The following NRP1 variants were observed in gnomAD, a reference collection of about 807,000 sequenced individuals.
The protein encoded by NRP1 is neuropilin 1.
NRP1 carries 35 observed loss-of-function variants against 106.7 expected under a neutral mutation model. The observed-to-expected ratio is 0.33, with a 90% confidence interval of 0.25 to 0.43. NRP1 has a LOEUF of 0.43. Ranked by LOEUF, NRP1 falls within the 20% of genes least tolerant of loss-of-function variation. The probability of loss-of-function intolerance (pLI) is 1.00; values close to 1 mark genes in which losing one functional copy is unlikely to be tolerated. For missense variants in NRP1, 1,024 were observed against 1,170.4 expected (o/e 0.87, Z 1.83); for synonymous variants, 437 against 417.9 (o/e 1.05, Z -0.56).
At position 33,180,151 on chromosome 10, in the gene NRP1, ATAGTTCTCCAGGGCAGACAAGTT is replaced by A. The variant is rs1835588233; in HGVS notation, c.2674_2696del (p.Asn892Ter). On this transcript the variant is annotated frameshift_variant, in exon 17 of 17. Coordinates refer to ENST00000374867, the MANE Select transcript of NRP1 (RefSeq NM_003873.7). LOFTEE classifies it high-confidence loss of function. ...TCACACCATCCACAAGTTCAAAGTTATAGTTCTCCAGGGCAGACAAGTTTCTTTCTGACATCCCATTATGCCAA... is the reference window on the plus strand; with the variant it reads ...TCACACCATCCACAAGTTCAAAGTTATCTTTCTGACATCCCATTATGCCAA... 6.2e-7 allele frequency: 1 copy of A among 1,614,054 alleles called. No individual in the cohort carries two copies. The highest frequency in any genetic ancestry group is 1.3e-5 in the African/African-American group (1 of 74,922).
At chr10:33,332,959 C>A (rs1169604503) in intron 1 of NRP1, among the ~76,000 whole-genome samples, 9 of 151,930 alleles carry the variant, frequency 5.9e-5, no homozygotes, top group Admixed American at 5.2e-4. Context: ...CATTGAGCTT[C>A]AAATCTATCT....
At chr10:33,278,405 G>A (rs1208862327) in intron 2 of NRP1, among the ~76,000 whole-genome samples, 2 of 152,100 alleles carry the variant, frequency 1.3e-5, no homozygotes, top group Non-Finnish European at 2.9e-5. Flanking sequence ...TGGGAAGAAC[G>A]TGGTGCTAAG....
At chr10:33,288,326 G>A (rs1466277976) in intron 2 of NRP1, 1 of 152,074 alleles carries the variant, frequency 6.6e-6, no homozygotes, top group African/African-American at 2.4e-5. Context: ...TCACTGTGTT[G>A]CCTTGGCTGG....
Position 33,228,133 on chromosome 10 carries a change from C to T in NRP1, c.982-1844G>A, listed in dbSNP as rs138624352. Among the ~76,000 whole-genome samples the T allele has an allele frequency of 1.7e-4, 22 of 133,106 alleles. No individual in the cohort carries two copies. In the East Asian group the frequency reaches 6.1e-3, roughly 37 times the overall value. The allele number at this position is 133,106 out of a possible 152,430, so 87.3% of individuals were successfully genotyped here. A position where few individuals can be genotyped will look rare whatever the true frequency, so the allele number is the denominator to read the frequency against. The stretch of plus-strand genomic sequence containing the variant: ...CATCAATTGTATGCCCAGCTTTAAA[C>T]ACAAGCTTAAAAAAAAGTCCACAAA... On this transcript the variant is annotated intron_variant, in intron 6 of 16. Coordinates refer to ENST00000374867, the MANE Select transcript of NRP1 (RefSeq NM_003873.7).
intron 9 of NRP1, among the ~76,000 whole-genome samples, chr10:33,208,516 C>T (rs143018721): frequency 6.6e-6 from 1 of 152,192 alleles, no homozygotes; most frequent in African/African-American, 2.4e-5. Context: ...GGAGCAATGA[C>T]TAGGCCAGTT....
intron 2 of NRP1, among the ~76,000 whole-genome samples, chr10:33,293,634 T>C (rs1359624967): frequency 6.6e-6 from 1 of 152,128 alleles, no homozygotes; most frequent in East Asian, 1.9e-4. Flanking sequence ...CTTTTTCTAT[T>C]AAAACACACT....
At chr10:33,255,058 A>G (rs572775863) in intron 5 of NRP1, among the ~76,000 whole-genome samples, 72 of 152,302 alleles carry the variant, frequency 4.7e-4, no homozygotes, top group African/African-American at 1.6e-3. Flanking sequence ...CAAAGTACAC[A>G]AGTGAAAAAA....
chr10:33,327,671 C>T (rs1394746320), intron 2 of NRP1, among the ~76,000 whole-genome samples: 4 of 144,886 alleles, frequency 2.8e-5, no homozygotes, highest in Non-Finnish European at 4.7e-5. Context: ...TTTTTTTTTT[C>T]CCCCTAGGGC....
At chr10:33,228,284 A>G (rs11009308) in intron 6 of NRP1, among the ~76,000 whole-genome samples, 20,401 of 152,110 alleles carry the variant, frequency 0.13, 1,738 homozygotes, top group East Asian at 0.51. Flanking sequence ...AGGCAGTAGA[A>G]TCTCCTGAAC....
chr10:33,243,369 A>G (rs780219741), intron 6 of NRP1, among the ~76,000 whole-genome samples: 2 of 152,166 alleles, frequency 1.3e-5, no homozygotes, highest in Non-Finnish European at 2.9e-5. Flanking sequence ...GATTGAGTAA[A>G]TTTATTTTTA....
chr10:33,182,877 C>G, intron 15 of NRP1, 129 bp from the exon 16 acceptor site: 1 of 691,564 alleles, frequency 1.4e-6, no homozygotes, highest in East Asian at 2.7e-5. Context: ...CTACTGGGCT[C>G]CTTTTGGATT....
chr10:33,183,837 T>C (rs955489922), intron 15 of NRP1, among the ~76,000 whole-genome samples: 2 of 152,254 alleles, frequency 1.3e-5, no homozygotes, highest in African/African-American at 4.8e-5. Flanking sequence ...CATATTTTTA[T>C]TGGTAGCAGC....
chr10:33,291,394 A>G (rs1054013001), intron 2 of NRP1, among the ~76,000 whole-genome samples: 3 of 152,252 alleles, frequency 2.0e-5, no homozygotes, highest in Non-Finnish European at 4.4e-5. Flanking sequence ...AGGGCTAAGA[A>G]TTTTATGCCT....
At chr10:33,273,637 C>G (rs1843471426) in intron 2 of NRP1, among the ~76,000 whole-genome samples, 1 of 152,206 alleles carries the variant, frequency 6.6e-6, no homozygotes. Context: ...CACGACAGCA[C>G]AGCAGCCCGG....
intron 2 of NRP1, among the ~76,000 whole-genome samples, chr10:33,316,158 G>A (rs1847020332): frequency 6.6e-6 from 1 of 152,192 alleles, no homozygotes; most frequent in African/African-American, 2.4e-5. Context: ...AACCTCTTCT[G>A]GAGGCTGATG....
intron 6 of NRP1, chr10:33,249,267 G>A (rs780885521): frequency 1.0e-5 from 3 of 294,888 alleles, no homozygotes; most frequent in African/African-American, 4.4e-5. Context: ...TCTGCTTTGC[G>A]TGTCAATGGC....
At position 33,185,635 on chromosome 10, in the gene NRP1, ATCT is replaced by A; in HGVS notation, c.2421_2423del (p.Glu807del). 4 of 1,612,842 alleles carry A rather than the reference ATCT, an allele frequency of 2.5e-6. No individual in the cohort carries two copies. The South Asian group carries it at 4.4e-5, about 18-fold the overall frequency. ...ACAGCAGCTCATACTTACTTGCACA[ATCT>A]TCTTGTGAAATGTGGTTATTAATAC... On this transcript the variant is annotated inframe_deletion, in exon 15 of 17. Transcript: ENST00000374867.
In NRP1 at chr10:33,221,869, TG is replaced by T; in HGVS notation, c.1138-7del. ...TTGGTGTTTCCCTGAAAGAGCTGTA[TG>T]GGGAAAAAAAGTGCCTTTCTTTAGC... On this transcript the variant is annotated splice_region_variant and splice_polypyrimidine_tract_variant and intron_variant, in intron 7 of 16. Transcript: ENST00000374867. 2 of 1,600,000 alleles carry T rather than the reference TG, an allele frequency of 1.3e-6. No homozygotes were observed. The highest frequency in any genetic ancestry group is 4.5e-5 in the East Asian group (2 of 44,458).
intron 6 of NRP1, among the ~76,000 whole-genome samples, chr10:33,227,145 C>T (rs900228685): frequency 3.3e-5 from 5 of 152,202 alleles, no homozygotes; most frequent in African/African-American, 1.2e-4. Flanking sequence ...ATTGCTTGAT[C>T]CCTGGTGCAA....
Sources: allele counts gnomAD v4.1 joint callset (sites outside exome capture counted in the v4.1 genomes callset), GRCh38; gene constraint gnomAD v4.1.1; transcripts MANE v1.5; gene names NCBI Gene and HGNC (gene_info 2026-07-23, HGNC 2026-07-21).